The following VSTM4 variants were observed in gnomAD, a reference collection of about 807,000 sequenced individuals.
The protein encoded by VSTM4 is V-set and transmembrane domain-containing protein 4.
A neutral mutation model predicts 36.4 loss-of-function variants in VSTM4; 20 were observed. The observed-to-expected ratio is 0.55, with a 90% CI of 0.39 to 0.80. The LOEUF (loss-of-function observed/expected upper bound fraction) is 0.80, where lower values mean the gene tolerates loss of function less well. VSTM4 is among the 30% of genes least tolerant of loss of function. The probability of loss-of-function intolerance (pLI) is 0.00; values close to 1 mark genes in which losing one functional copy is unlikely to be tolerated. For missense variants in VSTM4, 392 were observed against 404.5 expected (o/e 0.97, Z 0.26); for synonymous variants, 182 against 173.9 (o/e 1.05, Z -0.37).
intron 6 of VSTM4, among the ~76,000 whole-genome samples, chr10:49,047,521 A>G (rs2131959154): frequency 6.6e-6 from 1 of 152,264 alleles, no homozygotes. Context: ...ACCATTTAGG[A>G]TTTGAACTTG....
intron 1 of VSTM4, among the ~76,000 whole-genome samples, chr10:49,108,961 C>T (rs894969512): frequency 5.3e-5 from 8 of 152,280 alleles, no homozygotes; most frequent in African/African-American, 1.7e-4. Context: ...CCAGGCTGCC[C>T]GGTGCTCACA....
Position 49,105,578 on chromosome 10 carries a change from T to G in VSTM4, c.457+2016A>C, listed in dbSNP as rs527483158. On this transcript the variant is annotated intron_variant, in intron 2 of 7. Coordinates refer to ENST00000332853, the MANE Select transcript of VSTM4 (RefSeq NM_001031746.5). ...GGAAAGATTCTTATTTCCAGTGAGG[T>G]GTTAAAAACTACCTCATGTTTTTGG... Among the ~76,000 whole-genome samples, 60 of 152,208 alleles carry G rather than the reference T, an allele frequency of 3.9e-4. No individual in the cohort carries two copies. The East Asian group carries it at 0.01, about 25-fold the overall frequency.
At chr10:49,099,416 C>T (rs4265516) in intron 2 of VSTM4, among the ~76,000 whole-genome samples, 42,558 of 152,118 alleles carry the variant, frequency 0.28, 7,086 homozygotes, top group African/African-American at 0.47. Flanking sequence ...TCATTTTTAT[C>T]ATGTGTGATT....
At chr10:49,047,634 C>T (rs1002103284) in intron 6 of VSTM4, among the ~76,000 whole-genome samples, 1 of 152,158 alleles carries the variant, frequency 6.6e-6, no homozygotes, top group Admixed American at 6.5e-5. Context: ...CAGTATGATG[C>T]CTGGCCCAGG....
intron 2 of VSTM4, among the ~76,000 whole-genome samples, chr10:49,101,166 G>T (rs986242304): frequency 2.0e-5 from 3 of 151,994 alleles, no homozygotes; most frequent in Non-Finnish European, 4.4e-5. Context: ...ACAATGTATT[G>T]AATGTAAATT....
At chr10:49,076,335 A>G (rs952791448) in intron 4 of VSTM4, among the ~76,000 whole-genome samples, 3 of 152,216 alleles carry the variant, frequency 2.0e-5, no homozygotes, top group African/African-American at 7.2e-5. Context: ...AGTCCTCACT[A>G]TGAGCCTGAG....
intron 7 of VSTM4, among the ~76,000 whole-genome samples, chr10:49,036,515 GACA>G (rs1564568817): frequency 6.6e-6 from 1 of 151,976 alleles, no homozygotes; most frequent in East Asian, 1.9e-4. Context: ...GCACATTAAC[GACA>G]ACAAGAGAAA....
rs150860044 is a variant in VSTM4, at chr10:49,037,437, A to G, written c.837+9546T>C. Among the ~76,000 whole-genome samples, 1,334 of 152,314 alleles carry G rather than the reference A, an allele frequency of 8.8e-3. 27 individuals are homozygous for G. Among genetic ancestry groups the G allele is most frequent in the African/African-American group, 0.03 (1,241 of 41,574 alleles). ...GCAGTGCCTGGCCTTCTGGCCCACA[A>G]TTGGAGCAGGGAGGACTCAGACTAA... is the stretch of plus-strand genomic sequence containing the variant. On this transcript the variant is annotated intron_variant, in intron 7 of 7. Transcript: ENST00000332853.
chr10:49,098,566 A>C (rs1401727051), intron 2 of VSTM4, among the ~76,000 whole-genome samples: 1 of 152,210 alleles, frequency 6.6e-6, no homozygotes, highest in Non-Finnish European at 1.5e-5. Flanking sequence ...CAGGGAGCCA[A>C]CATTCAAAAG....
chr10:49,112,987 C>A (rs959840349), intron 1 of VSTM4, among the ~76,000 whole-genome samples: 3 of 152,152 alleles, frequency 2.0e-5, no homozygotes, highest in Non-Finnish European at 4.4e-5. Flanking sequence ...GGAGTAAGGA[C>A]AACTAACAGA....
At chr10:49,113,334 G>T (rs1332594267) in intron 1 of VSTM4, among the ~76,000 whole-genome samples, 1 of 152,204 alleles carries the variant, frequency 6.6e-6, no homozygotes, top group Non-Finnish European at 1.5e-5. Context: ...CCCATGGACT[G>T]ATTCACTCAC....
chr10:49,052,834 C>T (rs1033226762), intron 5 of VSTM4, among the ~76,000 whole-genome samples: 1 of 152,084 alleles, frequency 6.6e-6, no homozygotes, highest in African/African-American at 2.4e-5. Context: ...AGGTGGAGAA[C>T]ACCTGCTTTG....
intron 4 of VSTM4, among the ~76,000 whole-genome samples, chr10:49,075,989 A>G (rs186774100): frequency 6.6e-6 from 1 of 152,104 alleles, no homozygotes; most frequent in East Asian, 1.9e-4. Context: ...ACCTCTCCCA[A>G]AGCTGCAGCT....
intron 2 of VSTM4, among the ~76,000 whole-genome samples, chr10:49,104,964 GAGAGACACAGAGGGAGAC>G (rs1182688950): frequency 8.0e-6 from 1 of 125,762 alleles, no homozygotes; most frequent in African/African-American, 2.8e-5. Flanking sequence ...GAGAGAGACA[GAGAGACACAGAGGGAGAC>G]AGAGACACAG....
chr10:49,019,585 T>C lies in VSTM4; in HGVS notation c.*65A>G. 8 of 1,533,170 alleles carry C rather than the reference T, an allele frequency of 5.2e-6. No individual in the cohort carries two copies. The highest frequency in any genetic ancestry group is 7.0e-6 in the Non-Finnish European group (8 of 1,137,808). 95.0% of individuals were successfully genotyped at this position (1,533,170 alleles called of 1,614,324 possible). A position where few individuals can be genotyped will look rare whatever the true frequency, so the allele number is the denominator to read the frequency against. On this transcript the variant is annotated 3_prime_UTR_variant, in exon 8 of 8. Coordinates refer to ENST00000332853, the MANE Select transcript of VSTM4 (RefSeq NM_001031746.5). ...TGAAAATACAGACATAAGGGCTTTG[T>C]CTCCAAGGCTTCATAAATCACTGGG... is the stretch of plus-strand genomic sequence containing the variant.
intron 4 of VSTM4, among the ~76,000 whole-genome samples, chr10:49,068,987 A>G (rs377001853): frequency 1.9e-4 from 29 of 152,122 alleles, no homozygotes; most frequent in Middle Eastern, 3.2e-3. Flanking sequence ...ACCTCTCCTG[A>G]TAAGAAGAAG....
At chr10:49,066,735 T>C (rs934531918) in intron 4 of VSTM4, among the ~76,000 whole-genome samples, 3 of 152,182 alleles carry the variant, frequency 2.0e-5, no homozygotes, top group African/African-American at 7.2e-5. Flanking sequence ...GTCATCTTGA[T>C]TAATCTTATG....
chr10:49,056,536 C>T (rs1427627752), intron 5 of VSTM4, among the ~76,000 whole-genome samples: 2 of 152,244 alleles, frequency 1.3e-5, no homozygotes, highest in African/African-American at 4.8e-5. Context: ...GACTCATTCA[C>T]AAAGGCCATG....
chr10:49,091,526 G>A (rs916972630), intron 2 of VSTM4, among the ~76,000 whole-genome samples: 4 of 152,204 alleles, frequency 2.6e-5, no homozygotes, highest in African/African-American at 9.6e-5. Flanking sequence ...GGGACCTGGG[G>A]GGAAACCATC....
Sources: allele counts gnomAD v4.1 joint callset (sites outside exome capture counted in the v4.1 genomes callset), GRCh38; gene constraint gnomAD v4.1.1; transcripts MANE v1.5; gene names NCBI Gene and HGNC (gene_info 2026-07-23, HGNC 2026-07-21).